The following METTL15 variants were observed in gnomAD, a reference collection of about 807,000 sequenced individuals.
METTL15 encodes 12S rRNA N(4)-cytidine methyltransferase METTL15.
METTL15 carries 34 observed loss-of-function variants against 38.3 expected under a neutral mutation model. That is an observed-to-expected ratio of 0.89 (90% CI 0.68 to 1.18). METTL15 has a LOEUF of 1.18. Ranked by LOEUF, METTL15 falls within the 50% of genes most tolerant of loss-of-function variation. The pLI is 0.00. For missense variants in METTL15, 438 were observed against 498.4 expected (o/e 0.88, Z 1.15); for synonymous variants, 162 against 170.9 (o/e 0.95, Z 0.41).
chr11:28,134,684 C>T, intron 3 of METTL15: 1 of 398,096 alleles, frequency 2.5e-6, no homozygotes. Flanking sequence ...CATGTCCATG[C>T]ATGGTTTCAT....
intron 3 of METTL15, among the ~76,000 whole-genome samples, chr11:28,143,353 T>C (rs1433595649): frequency 6.6e-6 from 1 of 152,134 alleles, no homozygotes; most frequent in Non-Finnish European, 1.5e-5. Flanking sequence ...CTTTATGCAT[T>C]TCTCAAAACC....
At chr11:28,193,142 T>C (rs1851761177) in intron 3 of METTL15, among the ~76,000 whole-genome samples, 1 of 152,134 alleles carries the variant, frequency 6.6e-6, no homozygotes, top group South Asian at 2.1e-4. Context: ...TCATTGAATT[T>C]AGAAGTTTTC....
intron 4 of METTL15, among the ~76,000 whole-genome samples, chr11:28,253,508 C>T (rs1006243369): frequency 1.3e-5 from 2 of 152,080 alleles, no homozygotes; most frequent in African/African-American, 4.8e-5. Context: ...AAGTTATTGA[C>T]TATAGTCACC....
At chr11:28,272,053 A>G (rs952944347) in intron 4 of METTL15, among the ~76,000 whole-genome samples, 2 of 152,216 alleles carry the variant, frequency 1.3e-5, no homozygotes, top group African/African-American at 4.8e-5. Flanking sequence ...GCGATCATTA[A>G]AAAGTCAGGA....
intron 3 of METTL15, among the ~76,000 whole-genome samples, chr11:28,175,740 A>G (rs190005980): frequency 1.1e-3 from 175 of 152,258 alleles, no homozygotes; most frequent in African/African-American, 2.4e-3. Flanking sequence ...ACTTATATCC[A>G]GAATTGTCTA....
At chr11:28,410,662 A>C (rs905819498) in intron 5 of METTL15, 1 of 152,260 alleles carries the variant, frequency 6.6e-6, no homozygotes, top group East Asian at 1.9e-4. Flanking sequence ...AACAGTTAAC[A>C]TGATAATCAA....
chr11:28,165,448 G>A (rs893689888), intron 3 of METTL15, among the ~76,000 whole-genome samples: 2 of 151,942 alleles, frequency 1.3e-5, no homozygotes, highest in African/African-American at 4.8e-5. Flanking sequence ...CTTTTTTCAT[G>A]AACCTGTTAG....
intron 6 of METTL15, among the ~76,000 whole-genome samples, chr11:28,299,929 G>C (rs914489975): frequency 6.6e-6 from 1 of 151,942 alleles, no homozygotes; most frequent in Non-Finnish European, 1.5e-5. Flanking sequence ...ATAGTCACTT[G>C]GCATTCTCCC....
At chr11:28,160,513 T>A (rs967593106) in intron 3 of METTL15, among the ~76,000 whole-genome samples, 1 of 152,148 alleles carries the variant, frequency 6.6e-6, no homozygotes, top group Non-Finnish European at 1.5e-5. Context: ...TTCCTTGATA[T>A]TCTTTATAAA....
intron 6 of METTL15, among the ~76,000 whole-genome samples, chr11:28,443,795 C>T (rs1331197654): frequency 2.0e-5 from 3 of 152,158 alleles, no homozygotes; most frequent in Non-Finnish European, 4.4e-5. Flanking sequence ...CTTAGTGATG[C>T]CCATGCTAAC....
chr11:28,293,911 C>G (rs1177838378), intron 5 of METTL15, among the ~76,000 whole-genome samples: 1 of 152,082 alleles, frequency 6.6e-6, no homozygotes, highest in East Asian at 1.9e-4. Context: ...GATTTTATAT[C>G]CTGAGACTTT....
chr11:28,518,888 A>G (rs1490935892), intron 6 of METTL15, among the ~76,000 whole-genome samples: 1 of 152,222 alleles, frequency 6.6e-6, no homozygotes, highest in Non-Finnish European at 1.5e-5. Context: ...ATGGATGTAC[A>G]TCAGAGGGAT....
intron 3 of METTL15, among the ~76,000 whole-genome samples, chr11:28,136,438 C>T (rs1381671012): frequency 6.6e-6 from 1 of 152,142 alleles, no homozygotes; most frequent in Non-Finnish European, 1.5e-5. Context: ...GGCTCCCCAT[C>T]CGTGTGGAAC....
chr11:28,183,177 T>C (rs1851359499), intron 3 of METTL15, among the ~76,000 whole-genome samples: 2 of 152,120 alleles, frequency 1.3e-5, no homozygotes, highest in South Asian at 4.1e-4. Flanking sequence ...TGGGATTTTC[T>C]AAATATACGC....
At chr11:28,211,268 G>C in intron 4 of METTL15, 70 bp downstream of exon 4, 1 of 1,443,896 alleles carries the variant, frequency 6.9e-7, no homozygotes, top group Non-Finnish European at 9.3e-7. Context: ...TACCACCTTG[G>C]AATTTGTTCT....
intron 6 of METTL15, among the ~76,000 whole-genome samples, chr11:28,435,593 T>C (rs1850975160): frequency 6.6e-6 from 1 of 152,134 alleles, no homozygotes; most frequent in African/African-American, 2.4e-5. Context: ...TATAGAAAAT[T>C]AGGGGCAGAG....
chr11:28,390,708 G>A (rs1850496130), intron 5 of METTL15, among the ~76,000 whole-genome samples: 1 of 152,150 alleles, frequency 6.6e-6, no homozygotes, highest in Admixed American at 6.5e-5. Context: ...ACTTGGCAAT[G>A]CGGACTCTTT....
At chr11:28,258,356 C>T (rs1439634363) in intron 4 of METTL15, among the ~76,000 whole-genome samples, 7 of 152,146 alleles carry the variant, frequency 4.6e-5, no homozygotes. Flanking sequence ...GGATGTTGCC[C>T]AAGGCCTCCT....
At chr11:28,247,760 C>T (rs1418145653) in intron 4 of METTL15, among the ~76,000 whole-genome samples, 1 of 152,056 alleles carries the variant, frequency 6.6e-6, no homozygotes, top group Non-Finnish European at 1.5e-5. Context: ...AGATGGCTTA[C>T]AGGCAAAATG....
Sources: gnomAD v4.1 joint callset for allele counts (sites outside exome capture counted in the v4.1 genomes callset) on GRCh38, gnomAD v4.1.1 for gene constraint, MANE v1.5 for transcripts, NCBI Gene and HGNC (gene_info 2026-07-23, HGNC 2026-07-21) for gene names.